The following SLC14A2 variants were observed in gnomAD, a reference collection of about 807,000 sequenced individuals.
SLC14A2 encodes urea transporter 2.
SLC14A2 carries 91 observed loss-of-function variants against 104.6 expected under a neutral mutation model. The observed-to-expected ratio is 0.87, with a 90% CI of 0.73 to 1.04. SLC14A2 has a LOEUF of 1.04. Ranked by LOEUF, SLC14A2 falls within the 50% of genes least tolerant of loss-of-function variation. The pLI is 0.00. For synonymous variants in SLC14A2, 476 were observed against 466.4 expected (o/e 1.02, Z -0.27); for missense variants, 1,189 against 1,156.0 (o/e 1.03, Z -0.41).
At chr18:45,486,786 A>G (rs2087614492) in intron 2 of SLC14A2, among the ~76,000 whole-genome samples, 1 of 152,220 alleles carries the variant, frequency 6.6e-6, no homozygotes, top group African/African-American at 2.4e-5. Context: ...AAAGACAAGT[A>G]AACTCTGCCT....
intron 1 of SLC14A2, among the ~76,000 whole-genome samples, chr18:45,261,352 T>C (rs1254728508): frequency 6.6e-6 from 1 of 152,046 alleles, no homozygotes; most frequent in Non-Finnish European, 1.5e-5. Flanking sequence ...CTCATTATTT[T>C]TTATGGCTGC....
At chr18:45,278,955 GTCCCAAAAGTTTCTATCTA>G (rs2084732743) in intron 1 of SLC14A2, among the ~76,000 whole-genome samples, 1 of 152,196 alleles carries the variant, frequency 6.6e-6, no homozygotes, top group Non-Finnish European at 1.5e-5. Flanking sequence ...TCTCACAACA[GTCCCAAAAGTTTCTATCTA>G]TCCATAGATA....
intron 1 of SLC14A2, among the ~76,000 whole-genome samples, chr18:45,624,250 A>G (rs1372854859): frequency 6.6e-6 from 1 of 152,148 alleles, no homozygotes; most frequent in Non-Finnish European, 1.5e-5. Flanking sequence ...CCCACCTCCA[A>G]TCAGTACTGG....
At chr18:45,394,156 T>C (rs1352369710) in intron 1 of SLC14A2, among the ~76,000 whole-genome samples, 1 of 152,344 alleles carries the variant, frequency 6.6e-6, no homozygotes, top group African/African-American at 2.4e-5. Context: ...AAGTATTACA[T>C]GGGACCAATC....
At chr18:45,570,688 G>A (rs768413243) in intron 2 of SLC14A2, among the ~76,000 whole-genome samples, 8 of 152,314 alleles carry the variant, frequency 5.3e-5, no homozygotes, top group Non-Finnish European at 8.8e-5. Flanking sequence ...TACATGGCAG[G>A]AGGCCAGGCA....
intron 1 of SLC14A2, among the ~76,000 whole-genome samples, chr18:45,615,807 GTAGGGGTGTA>G (rs1185716986): frequency 1.3e-5 from 2 of 150,032 alleles, no homozygotes; most frequent in Non-Finnish European, 3.0e-5. Flanking sequence ...GTGTGTATGT[GTAGGGGTGTA>G]TGTGTGTGTG....
At chr18:45,566,709 C>T (rs1318075688) in intron 2 of SLC14A2, among the ~76,000 whole-genome samples, 1 of 152,168 alleles carries the variant, frequency 6.6e-6, no homozygotes, top group Non-Finnish European at 1.5e-5. Context: ...TCTTGCTTCT[C>T]AATATTTCAG....
intron 1 of SLC14A2, among the ~76,000 whole-genome samples, chr18:45,311,652 A>G (rs978816832): frequency 8.6e-5 from 13 of 151,594 alleles, no homozygotes; most frequent in Admixed American, 7.9e-4. Flanking sequence ...AGACTGAAAA[A>G]CTCCTTCGGT....
chr18:45,414,753 AAAAAATATAT>A lies in SLC14A2; in HGVS notation c.-124-68478_-124-68469del, dbSNP rs1170479640. On this transcript the variant is annotated intron_variant, in intron 1 of 20. Coordinates refer to the SLC14A2 transcript ENST00000586448. ...TGCAAGGCACCGAGCGTAAAAAAAA[AAAAAATATAT>A]ATATATATATATATATATATATATA... Among the ~76,000 whole-genome samples the A allele has an allele frequency of 2.9e-3, 187 of 64,002 alleles. 9 individuals carry two copies. Among genetic ancestry groups the A allele is most frequent in the African/African-American group, 7.9e-3 (100 of 12,738 alleles). 42.0% of individuals were successfully genotyped at this position (64,002 alleles called of 152,430 possible).
chr18:45,530,643 A>G (rs917248349), intron 2 of SLC14A2, among the ~76,000 whole-genome samples: 2 of 152,066 alleles, frequency 1.3e-5, no homozygotes, highest in African/African-American at 4.8e-5. Flanking sequence ...AGAGCCTAAG[A>G]AGAGAAGGTA....
intron 2 of SLC14A2, among the ~76,000 whole-genome samples, chr18:45,563,829 G>T (rs2044234291): frequency 6.6e-6 from 1 of 152,188 alleles, no homozygotes; most frequent in South Asian, 2.1e-4. Context: ...GTTTCTTTCA[G>T]TCTCACAATT....
chr18:45,546,325 T>A (rs2043968380), intron 2 of SLC14A2, among the ~76,000 whole-genome samples: 1 of 152,254 alleles, frequency 6.6e-6, no homozygotes, highest in Non-Finnish European at 1.5e-5. Flanking sequence ...TCAAAAATTA[T>A]TTCTGAATTG....
At chr18:45,289,114 A>G (rs972590165) in intron 1 of SLC14A2, among the ~76,000 whole-genome samples, 1 of 152,224 alleles carries the variant, frequency 6.6e-6, no homozygotes, top group African/African-American at 2.4e-5. Flanking sequence ...TCTTTTCTAC[A>G]GGAAAGGTGG....
At chr18:45,226,907 C>T (rs577692333) in intron 1 of SLC14A2, among the ~76,000 whole-genome samples, 14 of 152,122 alleles carry the variant, frequency 9.2e-5, no homozygotes, top group East Asian at 1.9e-4. Context: ...AATTAGAGTC[C>T]GGAGGTGGGC....
chr18:45,444,823 G>C (rs1568208109), intron 1 of SLC14A2, among the ~76,000 whole-genome samples: 1 of 152,184 alleles, frequency 6.6e-6, no homozygotes, highest in Admixed American at 6.5e-5. Flanking sequence ...GAGCCTATGA[G>C]AGGTGGAGAA....
upstream of SLC14A2, among the ~76,000 whole-genome samples, chr18:45,208,318 C>T (rs1000286007): frequency 1.3e-5 from 2 of 152,004 alleles, no homozygotes; most frequent in Non-Finnish European, 2.9e-5. Flanking sequence ...AAAGCTTTGT[C>T]GTGATAAAGT....
intron 2 of SLC14A2, among the ~76,000 whole-genome samples, chr18:45,570,288 T>TA (rs2044326443): frequency 6.6e-6 from 1 of 152,140 alleles, no homozygotes; most frequent in Non-Finnish European, 1.5e-5. Flanking sequence ...TCTGATACGT[T>TA]CTTTAAGACC....
rs555233876 is a variant in SLC14A2 at position 45,492,445 on chromosome 18, AGT to A, written c.-35+9130_-35+9131del. Among the ~76,000 whole-genome samples, 247 of 152,258 alleles carry A rather than the reference AGT, an allele frequency of 1.6e-3. 2 individuals carry two copies. Among genetic ancestry groups the A allele is most frequent in the Middle Eastern group, 3.4e-3 (1 of 294 alleles). On this transcript the variant is annotated intron_variant, in intron 2 of 20. Coordinates refer to the SLC14A2 transcript ENST00000586448. The stretch of plus-strand genomic sequence containing the variant: ...CTGTACATGGCAGCAAGTGAGAGAG[AGT>A]GTGTGTAAGTGCAGGGAAAACTACC...
chr18:45,520,590 C>T (rs558296171), intron 2 of SLC14A2, among the ~76,000 whole-genome samples: 1 of 152,210 alleles, frequency 6.6e-6, no homozygotes, highest in Admixed American at 6.5e-5. Context: ...GTCAAATGAG[C>T]TAGATCTTTA....
Sources: gnomAD v4.1 joint callset for allele counts (sites outside exome capture counted in the v4.1 genomes callset) on GRCh38, gnomAD v4.1.1 for gene constraint, MANE v1.5 for transcripts, NCBI Gene and HGNC (gene_info 2026-07-23, HGNC 2026-07-21) for gene names.